ANKRD42: variants seen among roughly 807,000 people sequenced by gnomAD.
The protein encoded by ANKRD42 is ankyrin repeat domain-containing protein 42.
In ANKRD42, 43 loss-of-function variants were observed where a neutral mutation model predicts 51.5. That is an observed-to-expected ratio of 0.83 (90% CI 0.65 to 1.08). The LOEUF is 1.08. ANKRD42 is among the 50% of genes least tolerant of loss of function. ANKRD42 has a pLI of 0.00. For missense variants in ANKRD42, 608 were observed against 629.3 expected, an observed-to-expected ratio of 0.97 and a Z score of 0.36; for synonymous variants, 203 against 213.0, an observed-to-expected ratio of 0.95 and a Z score of 0.41.
chr11:83,222,575 C>G (rs1300004281), intron 5 of ANKRD42, among the ~76,000 whole-genome samples: 2 of 152,122 alleles, frequency 1.3e-5, no homozygotes, highest in African/African-American at 2.4e-5. Context: ...TCTGAAGGAG[C>G]TGAGGAAGCA....
At chr11:83,195,100 T>A (rs1861588669) in intron 1 of ANKRD42, among the ~76,000 whole-genome samples, 1 of 152,216 alleles carries the variant, frequency 6.6e-6, no homozygotes, top group South Asian at 2.1e-4. Context: ...AGTGACCCTT[T>A]CCCTTACCGT....
chr11:83,211,177 G>A (rs1463407193), intron 4 of ANKRD42, 118 bp from the exon 5 acceptor site: 2 of 1,308,616 alleles, frequency 1.5e-6, no homozygotes, highest in African/African-American at 2.9e-5. Flanking sequence ...TCTATTAAGT[G>A]TTTGCCTTCT....
chr11:83,205,576 A>C (rs1288899854), intron 2 of ANKRD42, among the ~76,000 whole-genome samples: 1 of 152,014 alleles, frequency 6.6e-6, no homozygotes, highest in African/African-American at 2.4e-5. Context: ...GACTTCTCTC[A>C]TTTTTTTTAA....
At chr11:83,247,907 T>A in intron 10 of ANKRD42, 36 bp from the exon 11 acceptor site, 1 of 1,540,124 alleles carries the variant, frequency 6.5e-7, no homozygotes, top group Middle Eastern at 1.7e-4. Flanking sequence ...TAGTTGACAT[T>A]GATGATTGAT....
At chr11:83,214,673 A>C (rs1052050762) in intron 5 of ANKRD42, 1 of 605,042 alleles carries the variant, frequency 1.7e-6, no homozygotes, top group Non-Finnish European at 2.1e-6. Flanking sequence ...ATGTATAAAG[A>C]TCAAATCAAG....
chr11:83,208,534 G>A (rs1590970110), intron 3 of ANKRD42, among the ~76,000 whole-genome samples: 1 of 152,274 alleles, frequency 6.6e-6, no homozygotes, highest in South Asian at 2.1e-4. Flanking sequence ...AAGAAGATCA[G>A]TTAGAGATTT....
intron 2 of ANKRD42, among the ~76,000 whole-genome samples, chr11:83,199,832 G>T (rs1021772038): frequency 6.6e-6 from 1 of 152,112 alleles, no homozygotes; most frequent in Non-Finnish European, 1.5e-5. Flanking sequence ...AACCAAATCT[G>T]GTTCAGAGAC....
Position 83,211,409 on chromosome 11 carries a change from G to A in ANKRD42, c.565G>A (p.Asp189Asn). The change falls in exon 5 of 11, where the codon GAC becomes AAC. Residue 189 changes from aspartate to asparagine, a missense_variant. Physicochemically the swap from Asp to Asn is conservative, Grantham distance 23 (BLOSUM62 1). Coordinates refer to ENST00000533342, the MANE Select transcript of ANKRD42 (RefSeq NM_001300975.2). ...ATGGGGTTGTAGCATAGAAGATGTG[G>A]ACTACAATGGAAACCTTCCAGGTAT... ...VKWGCSIEDV[D>N]YNGNLPVHLA... is the part of the protein sequence containing the mutation. The A allele has an allele frequency of 6.2e-7, 1 of 1,614,134 alleles. No individual in the cohort carries two copies. The highest frequency in any genetic ancestry group is 8.5e-7 in the Non-Finnish European group (1 of 1,180,016).
intron 5 of ANKRD42, among the ~76,000 whole-genome samples, chr11:83,218,328 G>A (rs1476565837): frequency 2.0e-5 from 3 of 152,136 alleles, no homozygotes; most frequent in East Asian, 3.9e-4. Flanking sequence ...GTTGCCCTGT[G>A]GGGAATTTTT....
intron 6 of ANKRD42, among the ~76,000 whole-genome samples, chr11:83,225,601 G>T (rs1329698806): frequency 6.6e-6 from 1 of 151,016 alleles, no homozygotes; most frequent in Non-Finnish European, 1.5e-5. Flanking sequence ...ATAATGAGCA[G>T]TGAATCACTA....
In ANKRD42 at chr11:83,194,342, G is replaced by T. The variant is rs758214992; in HGVS notation, c.-329G>T. ...CGCCGCTTCAGTGGCTCCTGGGAGG[G>T]AGGGAGTGTCGAAGGCGGCCACAGC... On this transcript the variant is annotated 5_prime_UTR_variant, in exon 1 of 11. Transcript: ENST00000533342. 36 of 560,062 alleles carry T rather than the reference G, an allele frequency of 6.4e-5. No individual in the cohort carries two copies. In the African/African-American group the frequency reaches 6.5e-4, roughly 10 times the overall value. 34.7% of individuals were successfully genotyped at this position (560,062 alleles called of 1,614,324 possible). A position where few individuals can be genotyped will look rare whatever the true frequency, so the allele number is the denominator to read the frequency against.
chr11:83,225,172 TGTAAAAATATAAACATG>T, intron 6 of ANKRD42, 117 bp downstream of exon 6: 1 of 795,494 alleles, frequency 1.3e-6, no homozygotes, highest in Non-Finnish European at 1.9e-6. Context: ...ATACGTTATA[TGTAAAAATATAAACATG>T]TTTAATATAT....
At chr11:83,233,930 G>A (rs1194032575) in intron 7 of ANKRD42, among the ~76,000 whole-genome samples, 4 of 152,194 alleles carry the variant, frequency 2.6e-5, no homozygotes, top group Non-Finnish European at 5.9e-5. Context: ...TGATCCACCC[G>A]CTTTGGCCTC....
At chr11:83,206,287 G>A in intron 3 of ANKRD42, 122 bp downstream of exon 3, 1 of 751,718 alleles carries the variant, frequency 1.3e-6, no homozygotes, top group South Asian at 2.0e-5. Flanking sequence ...AGAACTTACT[G>A]GATTCCACAA....
chr11:83,200,120 G>T (rs1309472875), intron 2 of ANKRD42, among the ~76,000 whole-genome samples: 1 of 151,914 alleles, frequency 6.6e-6, no homozygotes, highest in African/African-American at 2.4e-5. Flanking sequence ...AGAGAAGGGG[G>T]AAGTACTGAT....
chr11:83,198,403 G>A (rs1861741782), intron 1 of ANKRD42, 76 bp from the exon 2 acceptor site: 3 of 1,419,034 alleles, frequency 2.1e-6, no homozygotes, highest in African/African-American at 1.4e-5. Flanking sequence ...TGTGCTTTCT[G>A]TTATATCACT....
chr11:83,227,746 G>A lies in ANKRD42; in HGVS notation c.788-1G>A, dbSNP rs1034729529. On this transcript the variant is annotated splice_acceptor_variant, in intron 6 of 10. Transcript: ENST00000533342. LOFTEE classifies it high-confidence loss of function. The stretch of plus-strand genomic sequence containing the variant: ...GAAATGCTGAATTTTTTTATTCATA[G>A]CTTTAGCATTTCCAGGTCATGTGGC... 2 of 1,606,878 alleles carry A rather than the reference G, an allele frequency of 1.2e-6. No homozygotes were observed. Among genetic ancestry groups the A allele is most frequent in the African/African-American group, 2.7e-5 (2 of 74,518 alleles).
At chr11:83,230,988 T>C (rs999018234) in intron 7 of ANKRD42, among the ~76,000 whole-genome samples, 2 of 152,240 alleles carry the variant, frequency 1.3e-5, no homozygotes, top group African/African-American at 4.8e-5. Flanking sequence ...CTTCCACATC[T>C]TAGCTATTGT....
At chr11:83,255,279 T>C (rs562482570) in intron 11 of ANKRD42, among the ~76,000 whole-genome samples, 2 of 152,324 alleles carry the variant, frequency 1.3e-5, no homozygotes, top group Admixed American at 1.3e-4. Context: ...TATTTATTGA[T>C]TTTTCTGTGC....
Sources: gnomAD v4.1 joint callset for allele counts (sites outside exome capture counted in the v4.1 genomes callset) on GRCh38, gnomAD v4.1.1 for gene constraint, MANE v1.5 for transcripts, NCBI Gene and HGNC (gene_info 2026-07-23, HGNC 2026-07-21) for gene names.